Variants in EXT1 observed in about 807,000 individuals in gnomAD.
The protein encoded by EXT1 is exostosin-1.
EXT1 carries 20 observed loss-of-function variants against 82.5 expected under a neutral mutation model. The ratio of observed to expected loss-of-function variants is 0.24; its 90% CI spans 0.17 to 0.35. The LOEUF (loss-of-function observed/expected upper bound fraction) is 0.35, where lower values mean the gene tolerates loss of function less well. Among genes scored for constraint, EXT1 ranks in the 10% least tolerant of loss-of-function variants. EXT1 has a pLI of 1.00. For missense variants in EXT1, 757 were observed against 936.5 expected, an observed-to-expected ratio of 0.81 and a Z score of 2.50; for synonymous variants, 348 against 350.8, an observed-to-expected ratio of 0.99 and a Z score of 0.09.
At chr8:118,103,124 G>T (rs1404752027) in intron 1 of EXT1, among the ~76,000 whole-genome samples, 1 of 152,174 alleles carries the variant, frequency 6.6e-6, no homozygotes, top group Non-Finnish European at 1.5e-5. Flanking sequence ...TTGCACTCCA[G>T]CCTGGGCAAC....
chr8:117,844,272 C>A (rs190669065), intron 1 of EXT1, among the ~76,000 whole-genome samples: 1 of 152,062 alleles, frequency 6.6e-6, no homozygotes, highest in East Asian at 1.9e-4. Flanking sequence ...CCTGTCTCAG[C>A]CTCCTGAGTA....
chr8:117,919,942 A>C (rs1323452726), intron 1 of EXT1, among the ~76,000 whole-genome samples: 1 of 152,234 alleles, frequency 6.6e-6, no homozygotes, highest in African/African-American at 2.4e-5. Flanking sequence ...TGTGTTAAGA[A>C]GAATTTTAAA....
chr8:118,066,898 A>G (rs1816998341), intron 1 of EXT1, among the ~76,000 whole-genome samples: 1 of 152,188 alleles, frequency 6.6e-6, no homozygotes, highest in South Asian at 2.1e-4. Context: ...TCTGGAAATA[A>G]AAGTTTTTTA....
chr8:117,938,047 C>T (rs1008466301), intron 1 of EXT1, among the ~76,000 whole-genome samples: 1 of 152,210 alleles, frequency 6.6e-6, no homozygotes, highest in Non-Finnish European at 1.5e-5. Context: ...ATTTGCCCCA[C>T]ACTATTCCAA....
At chr8:117,875,460 AT>A (rs1812953179) in intron 1 of EXT1, among the ~76,000 whole-genome samples, 4 of 150,836 alleles carry the variant, frequency 2.7e-5, no homozygotes, top group Admixed American at 6.6e-5. Flanking sequence ...AAATAAATAA[AT>A]AAATAAAATA....
At chr8:117,933,233 G>C (rs562369995) in intron 1 of EXT1, among the ~76,000 whole-genome samples, 1 of 99,338 alleles carries the variant, frequency 1.0e-5, no homozygotes, top group Admixed American at 1.5e-4. Flanking sequence ...TGTTCTGCTG[G>C]GTATTTTTTT....
At chr8:117,803,232 T>C (rs1823192195) in intron 10 of EXT1, among the ~76,000 whole-genome samples, 1 of 152,124 alleles carries the variant, frequency 6.6e-6, no homozygotes, top group South Asian at 2.1e-4. Context: ...CCTTGTTCTG[T>C]CACCCAGCCT....
intron 1 of EXT1, among the ~76,000 whole-genome samples, chr8:117,911,031 C>T (rs1055859091): frequency 2.6e-5 from 4 of 152,214 alleles, no homozygotes; most frequent in African/African-American, 9.7e-5. Flanking sequence ...TGATTTCTGA[C>T]TGCAAGACTC....
chr8:117,868,497 G>C (rs1812812153), intron 1 of EXT1, among the ~76,000 whole-genome samples: 1 of 152,150 alleles, frequency 6.6e-6, no homozygotes, highest in Non-Finnish European at 1.5e-5. Context: ...TGTCACCCAA[G>C]CCAGAGTGGA....
At chr8:117,850,608 T>A (rs10089630) in intron 1 of EXT1, among the ~76,000 whole-genome samples, 1 of 152,090 alleles carries the variant, frequency 6.6e-6, no homozygotes, top group Non-Finnish European at 1.5e-5. Context: ...TTTAATTTTC[T>A]AGTGCTTGCA....
intron 1 of EXT1, among the ~76,000 whole-genome samples, chr8:117,865,695 T>C (rs978700449): frequency 2.0e-5 from 3 of 152,218 alleles, no homozygotes; most frequent in African/African-American, 4.8e-5. Flanking sequence ...ACAATATTCA[T>C]CCTGTCTGGA....
At position 118,004,290 on chromosome 8, in the gene EXT1, G is replaced by A. The variant is rs917397584; in HGVS notation, c.962+105795C>T. On this transcript the variant is annotated intron_variant, in intron 1 of 10. Transcript: ENST00000378204. ...TATGCATGGAGGTGTGCATGTGCAC[G>A]TATGTGTGCAAATTGTGTATGCACG... Among the ~76,000 whole-genome samples, 9 of 152,350 alleles carry A rather than the reference G, an allele frequency of 5.9e-5. 1 individual carries two copies. The highest frequency in any genetic ancestry group is 2.6e-4 in the Admixed American group (4 of 15,306).
intron 1 of EXT1, among the ~76,000 whole-genome samples, chr8:118,091,581 A>C (rs549977302): frequency 2.4e-4 from 36 of 152,082 alleles, no homozygotes; most frequent in Non-Finnish European, 4.4e-4. Flanking sequence ...TACTAAAAAT[A>C]AAAAGAAAAA....
intron 1 of EXT1, among the ~76,000 whole-genome samples, chr8:118,066,497 T>G (rs1300642962): frequency 1.3e-5 from 2 of 151,588 alleles, no homozygotes; most frequent in Non-Finnish European, 2.9e-5. Context: ...TAACTGGAAT[T>G]ACAGGTGCGC....
rs181697636 is a variant in EXT1 at position 118,003,756 on chromosome 8, C to T, written c.962+106329G>A. On this transcript the variant is annotated intron_variant, in intron 1 of 10. Coordinates refer to ENST00000378204, the MANE Select transcript of EXT1 (RefSeq NM_000127.3). The stretch of plus-strand genomic sequence containing the variant: ...ATAAAACATAGCAACCCACTAGTTA[C>T]TAAGTTTTCTTTTTAAGCCCAGAGA... 1.8e-3 allele frequency among the ~76,000 whole-genome samples: 271 copies of T among 152,252 alleles called. 1 individual carries two copies. The highest frequency in any genetic ancestry group is 6.1e-3 in the African/African-American group (254 of 41,548).
At chr8:117,959,419 T>C (rs1196489411) in intron 1 of EXT1, among the ~76,000 whole-genome samples, 1 of 152,232 alleles carries the variant, frequency 6.6e-6, no homozygotes, top group Non-Finnish European at 1.5e-5. Flanking sequence ...TAGCTAGCAC[T>C]ATATTTGAAG....
At chr8:117,968,865 A>G (rs1161811294) in intron 1 of EXT1, among the ~76,000 whole-genome samples, 3 of 64,572 alleles carry the variant, frequency 4.6e-5, no homozygotes, top group East Asian at 6.4e-4. Flanking sequence ...CACTGTGCCC[A>G]GCCAATTCTG....
At chr8:117,900,390 A>G (rs1364245790) in intron 1 of EXT1, among the ~76,000 whole-genome samples, 2 of 152,182 alleles carry the variant, frequency 1.3e-5, no homozygotes, top group Non-Finnish European at 2.9e-5. Flanking sequence ...CAATCTTATT[A>G]TATGATTATT....
intron 1 of EXT1, among the ~76,000 whole-genome samples, chr8:117,973,886 G>GAAAGGAAAGGAAAGA (rs747386364): frequency 0.028 from 1,892 of 67,364 alleles, 474 homozygotes; most frequent in Middle Eastern, 0.076. Context: ...GAAAGGAAAG[G>GAAAGGAAAGGAAAGA]AAGGAAAGGA....
Sources: allele counts gnomAD v4.1 joint callset (sites outside exome capture counted in the v4.1 genomes callset), GRCh38; gene constraint gnomAD v4.1.1; transcripts MANE v1.5; gene names NCBI Gene and HGNC (gene_info 2026-07-23, HGNC 2026-07-21).